NOTCH4: variants seen among roughly 807,000 people sequenced by gnomAD.
The protein encoded by NOTCH4 is neurogenic locus notch homolog protein 4.
A neutral mutation model predicts 189.0 loss-of-function variants in NOTCH4; 138 were observed. That is an observed-to-expected ratio of 0.73 (90% CI 0.64 to 0.84). The LOEUF (loss-of-function observed/expected upper bound fraction) is 0.84, where lower values mean the gene tolerates loss of function less well. Among genes scored for constraint, NOTCH4 ranks in the 40% least tolerant of loss-of-function variants. The pLI, the probability that NOTCH4 is intolerant of heterozygous loss-of-function variation, is 0.00. For synonymous variants in NOTCH4, 942 were observed against 1,032.8 expected (o/e 0.91, Z 1.69); for missense variants, 2,286 against 2,605.4 (o/e 0.88, Z 2.67).
In NOTCH4 at chr6:32,214,315, C is replaced by T. The variant is rs572006024; in HGVS notation, c.2022-60G>A. 32 of 1,583,400 alleles carry T rather than the reference C, an allele frequency of 2.0e-5. No homozygotes were observed. In the South Asian group the frequency reaches 3.3e-4, roughly 16 times the overall value. On this transcript the variant is annotated intron_variant, in intron 12 of 29. Transcript: ENST00000375023. ...TCTCCTACTGCTTATGTTCCCCTCCCTGCTGCCTGGACCCCTATGACTTCC... is the reference window on the plus strand; with the variant it reads ...TCTCCTACTGCTTATGTTCCCCTCCTTGCTGCCTGGACCCCTATGACTTCC...
Position 32,220,826 on chromosome 6 carries a change from C to G in NOTCH4, c.852G>C (p.Gln284His), listed in dbSNP as rs520803. The change falls in exon 5 of 30, where the codon CAG becomes CAC. Residue 284 changes from glutamine to histidine, a missense_variant. Gln to His is a conservative substitution (Grantham distance 24). Coordinates refer to ENST00000375023, the MANE Select transcript of NOTCH4 (RefSeq NM_004557.4). ...EVNPDNCVSH[Q>H]CQNGGTCQDG... ...CCTGGCAAGTGCCCCCATTCTGACA[C>G]TGGTGGCTGACACAGTTGTCTGGAT... The G allele has an allele frequency of 6.2e-7, 1 of 1,613,962 alleles. No homozygotes were observed. Among genetic ancestry groups the G allele is most frequent in the Non-Finnish European group, 8.5e-7 (1 of 1,179,938 alleles).
chr6:32,220,708 C>G, intron 5 of NOTCH4, 48 bp downstream of exon 5: 3 of 1,612,794 alleles, frequency 1.9e-6, no homozygotes, highest in Non-Finnish European at 2.5e-6. Context: ...AGGCCAGGGG[C>G]CAACTCTCTG....
chr6:32,213,808 G>A lies in NOTCH4; in HGVS notation c.2200C>T (p.His734Tyr). 1.2e-6 allele frequency: 2 copies of A among 1,611,966 alleles called. No homozygotes were observed. The highest frequency in any genetic ancestry group is 1.7e-6 in the Non-Finnish European group (2 of 1,179,870). Reference sequence around the variant, plus strand: ...CCGCCATTGAGACATGGCCCTGAGTGACAAGCTGTCATCTCCTCACTACAG... The same window carrying A: ...CCGCCATTGAGACATGGCCCTGAGTAACAAGCTGTCATCTCCTCACTACAG... Reference protein sequence around the residue: ...PTCSEEMTACHSGPCLNGGSC... With the variant: ...PTCSEEMTACYSGPCLNGGSC... The change falls in exon 14 of 30, where the codon CAC becomes TAC. Residue 734 changes from histidine (H) to tyrosine (Y), a missense_variant. This residue lies in a region of NOTCH4 where 1,903 missense variants were observed against 2,261.9 expected (regional missense o/e 0.84). Transcript: ENST00000375023.
Position 32,213,831 on chromosome 6 carries a change from C to T in NOTCH4, c.2177G>A (p.Cys726Tyr). The change falls in exon 14 of 30, where the codon TGT (cysteine) becomes TAT (tyrosine). Residue 726 changes from cysteine to tyrosine, a missense_variant. Transcript: ENST00000375023. The stretch of plus-strand genomic sequence containing the variant: ...GTGACAAGCTGTCATCTCCTCACTA[C>T]AGGTGGGTCCTGAAGGAAACAGGTG... ...TCPTGYTGPT[C>Y]SEEMTACHSG... is the part of the protein sequence containing the mutation. 2 of 1,611,890 alleles carry T rather than the reference C, an allele frequency of 1.2e-6. No individual in the cohort carries two copies. Among genetic ancestry groups the T allele is most frequent in the Non-Finnish European group, 1.7e-6 (2 of 1,179,806 alleles).
rs576082075 is a variant in NOTCH4, at chr6:32,195,777, C to A, written c.5672G>T (p.Gly1891Val). The change falls in exon 30 of 30, where the codon GGC (glycine) becomes GTC (valine). Residue 1891 changes from glycine to valine, a missense_variant. Transcript: ENST00000375023. The surrounding 1 kb of genome is among the most constrained non-coding windows in gnomAD (Gnocchi z 5.4). Reference sequence around the variant, plus strand: ...GCTCCGGCAATGAGAATAGGCCCCGCCCCCCCGCGCAGCCAAGTCTACGGA... The same window carrying A: ...GCTCCGGCAATGAGAATAGGCCCCGACCCCCCGCGCAGCCAAGTCTACGGA... ...TWSVDLAARG[G>V]GAYSHCRSLS... The A allele has an allele frequency of 1.2e-6, 2 of 1,607,172 alleles. No individual in the cohort carries two copies. The highest frequency in any genetic ancestry group is 4.5e-5 in the East Asian group (2 of 44,860).
At position 32,195,815 on chromosome 6, in the gene NOTCH4, C is replaced by T. The variant is rs779655015; in HGVS notation, c.5634G>A (p.Gln1878=). The change falls in exon 30 of 30, where the codon CAG becomes CAA. Residue 1878 remains glutamine (Q), a synonymous_variant. Transcript: ENST00000375023. This position sits in a 1 kb window ranked among gnomAD's most constrained non-coding sequence, Gnocchi z 5.4. The stretch of plus-strand genomic sequence containing the variant: ...CCAAGTCTACGGACCAAGTCCGAGC[C>T]TGCAGACAAGCTCCGCCCCCACGAG... The part of the protein sequence containing the change: ...AGPRGGGACL[Q]ARTWSVDLAA... 1 of 1,601,560 alleles carries T rather than the reference C, an allele frequency of 6.2e-7. No homozygotes were observed. Among genetic ancestry groups the T allele is most frequent in the Admixed American group, 1.7e-5 (1 of 59,870 alleles).
chr6:32,218,571 C>T (rs379464), intron 8 of NOTCH4, among the ~76,000 whole-genome samples: 15,143 of 152,146 alleles, frequency 0.1, 1,074 homozygotes, highest in African/African-American at 0.2. Flanking sequence ...CTATATTTGT[C>T]CCGTTGCTTT....
chr6:32,201,343 G>A lies in NOTCH4; in HGVS notation c.3913C>T (p.Pro1305Ser). ...AACAGCTGCTGGTCTAGGGCTGGGG[G>A]GCTCAGTACCACCAGCAGGGCCAGG... ...PSLALLVVLS[P>S]PALDQQLFAL... Residue 1305 changes from proline to serine, a missense_variant, in exon 22 of 30, where the codon CCC (proline) becomes TCC (serine). Pro to Ser is a moderately conservative substitution (Grantham distance 74). Coordinates refer to ENST00000375023, the MANE Select transcript of NOTCH4 (RefSeq NM_004557.4). The surrounding 1 kb of genome is among the most constrained non-coding windows in gnomAD (Gnocchi z 5.5). 6.2e-7 allele frequency: 1 copy of A among 1,610,154 alleles called. No homozygotes were observed. The highest frequency in any genetic ancestry group is 1.1e-5 in the South Asian group (1 of 90,858).
Position 32,214,109 on chromosome 6 carries a change from C to T in NOTCH4, c.2167+1G>A. The T allele has an allele frequency of 6.2e-7, 1 of 1,610,268 alleles. No homozygotes were observed. Among genetic ancestry groups the T allele is most frequent in the Non-Finnish European group, 8.5e-7 (1 of 1,178,384 alleles). On this transcript the variant is annotated splice_donor_variant, in intron 13 of 29. Coordinates refer to ENST00000375023, the MANE Select transcript of NOTCH4 (RefSeq NM_004557.4). LOFTEE classifies it high-confidence loss of function. ...TGTATATGGTTTAGGGAGGGTCTCA[C>T]CTGTGTAGCCTGTAGGGCAGGTGCA...
chr6:32,203,599 C>T (rs1788488715), intron 20 of NOTCH4, 171 bp downstream of exon 20: 1 of 578,776 alleles, frequency 1.7e-6, no homozygotes, highest in Non-Finnish European at 3.0e-6. Context: ...ACTGATCCTG[C>T]CTTGCCTTTG....
Position 32,222,707 on chromosome 6 carries a change from G to T in NOTCH4, c.255C>A (p.Pro85=), listed in dbSNP as rs8192569. The T allele has an allele frequency of 2.5e-6, 4 of 1,607,884 alleles. No individual in the cohort carries two copies. In the African/African-American group the frequency reaches 4.0e-5, roughly 16 times the overall value. The change falls in exon 3 of 30, where the codon CCC becomes CCA. Residue 85 remains proline (P), a synonymous_variant. Coordinates refer to ENST00000375023, the MANE Select transcript of NOTCH4 (RefSeq NM_004557.4). ...GAGAGCTGGGGAGCCCTAGGGGAGC[G>T]GGAAGCAGGGCTTGGCAGCTGCCTC... ...QNGGSCQALL[P]APLGLPSSPS... is the part of the protein sequence containing the mutation.
intron 18 of NOTCH4, among the ~76,000 whole-genome samples, chr6:32,208,503 C>T (rs1230886221): frequency 2.6e-5 from 4 of 152,110 alleles, no homozygotes; most frequent in Admixed American, 1.3e-4. Context: ...GAGGTTGAGG[C>T]GGGAAGATCA....
intron 14 of NOTCH4, 129 bp from the exon 15 acceptor site, chr6:32,213,381 T>C: frequency 3.1e-6 from 2 of 636,008 alleles, no homozygotes; most frequent in South Asian, 4.3e-5. Flanking sequence ...ATCCAATTAA[T>C]TTTTATTTAT....
At chr6:32,208,346 C>T (rs916342876) in intron 18 of NOTCH4, among the ~76,000 whole-genome samples, 4 of 151,986 alleles carry the variant, frequency 2.6e-5, no homozygotes, top group African/African-American at 9.7e-5. Context: ...AGAAGACATA[C>T]AAATGGCCAA....
Position 32,222,498 on chromosome 6 carries a change from C to G in NOTCH4, c.451+13G>C, listed in dbSNP as rs1789840435. ...CTGCCTGTCCCCTCCTGGCTGCCCC[C>G]AGCAGCGCTTACCTGTCCATCCAGG... On this transcript the variant is annotated intron_variant, in intron 3 of 29. Transcript: ENST00000375023. 4 of 1,505,938 alleles carry G rather than the reference C, an allele frequency of 2.7e-6. No individual in the cohort carries two copies. Among genetic ancestry groups the G allele is most frequent in the Non-Finnish European group, 3.5e-6 (4 of 1,132,318 alleles). 93.3% of individuals were successfully genotyped at this position (1,505,938 alleles called of 1,614,324 possible). A position where few individuals can be genotyped will look rare whatever the true frequency, so the allele number is the denominator to read the frequency against.
intron 8 of NOTCH4, 37 bp downstream of exon 8, chr6:32,219,555 C>T (rs775008240): frequency 4.3e-5 from 68 of 1,590,322 alleles, no homozygotes; most frequent in Non-Finnish European, 5.7e-5. Flanking sequence ...GGACTAGTTC[C>T]CTGTTTTCCC....
In NOTCH4 at chr6:32,220,579, C is replaced by T. The variant is rs747566227; in HGVS notation, c.985G>A (p.Gly329Arg). The change falls in exon 6 of 30, where the codon GGG becomes AGG. Residue 329 changes from glycine to arginine, a missense_variant. Gly to Arg is a moderately radical substitution (Grantham distance 125, BLOSUM62 -2). This residue lies in a region of NOTCH4 where 1,903 missense variants were observed against 2,261.9 expected (regional missense o/e 0.84). Coordinates refer to ENST00000375023, the MANE Select transcript of NOTCH4 (RefSeq NM_004557.4). Reference sequence around the variant, plus strand: ...CCAGCAGAGTTCTGGCAGGTGCCCCCGTTTCTGCAGTGAGGGGGACCCTGG... The same window carrying T: ...CCAGCAGAGTTCTGGCAGGTGCCCCTGTTTCTGCAGTGAGGGGGACCCTGG... Reference protein sequence around the residue: ...ETQGPPHCRNGGTCQNSAGSF... With the variant: ...ETQGPPHCRNRGTCQNSAGSF... The T allele has an allele frequency of 9.9e-6, 16 of 1,613,988 alleles. No homozygotes were observed. The highest frequency in any genetic ancestry group is 3.3e-5 in the South Asian group (3 of 91,088).
At chr6:32,216,219 G>C (rs1023144049) in intron 11 of NOTCH4, 4 of 152,508 alleles carry the variant, frequency 2.6e-5, no homozygotes, top group Non-Finnish European at 4.4e-5. Context: ...GTTGAGATGG[G>C]GTTTCACCGT....
In NOTCH4 at chr6:32,210,857, A is replaced by T; in HGVS notation, c.2760T>A (p.Pro920=). ...SGPSYFCHCP[P]GFQGSLCQDH... is the part of the protein sequence containing the mutation. ...CCTGGCACAGGCTGCCTTGGAATCC[A>T]GGGGGGCAGTGGCAGAAATAGGAGG... Residue 920 remains proline, a synonymous_variant, in exon 18 of 30, where the codon CCT becomes CCA. Transcript: ENST00000375023. This position sits in a 1 kb window ranked among gnomAD's most constrained non-coding sequence, Gnocchi z 4.8. The T allele has an allele frequency of 1.2e-6, 2 of 1,612,888 alleles. No individual in the cohort carries two copies. Among genetic ancestry groups the T allele is most frequent in the Non-Finnish European group, 1.7e-6 (2 of 1,179,946 alleles).
Sources: gnomAD v4.1 joint callset for allele counts (sites outside exome capture counted in the v4.1 genomes callset) on GRCh38, gnomAD v4.1.1 for gene constraint, gnomAD v4.1.1 regional missense constraint, Gnocchi (gnomAD v3.1) non-coding constraint, MANE v1.5 for transcripts, NCBI Gene and HGNC (gene_info 2026-07-23, HGNC 2026-07-21) for gene names.